MAML1: variants seen among roughly 807,000 people sequenced by gnomAD.
MAML1 encodes the protein mastermind like transcriptional coactivator 1.
MAML1 carries 14 observed loss-of-function variants against 77.1 expected under a neutral mutation model. The observed-to-expected ratio is 0.18, with a 90% confidence interval of 0.12 to 0.28. MAML1 has a LOEUF of 0.28. Among genes scored for constraint, MAML1 ranks in the 10% least tolerant of loss-of-function variants. The pLI is 1.00. For missense variants in MAML1, 1,217 were observed against 1,327.8 expected (o/e 0.92, Z 1.30); for synonymous variants, 516 against 551.9 (o/e 0.93, Z 0.91).
intron 1 of MAML1, among the ~76,000 whole-genome samples, chr5:179,760,961 G>A (rs1289500628): frequency 6.6e-6 from 1 of 152,088 alleles, no homozygotes; most frequent in Non-Finnish European, 1.5e-5. Context: ...CGGGCGTGGT[G>A]GCAGGCGCCT....
chr5:179,735,951 G>T (rs143156998), intron 1 of MAML1, among the ~76,000 whole-genome samples: 8 of 152,296 alleles, frequency 5.3e-5, no homozygotes, highest in East Asian at 3.9e-4. Flanking sequence ...CTCCCAAAGT[G>T]CTGGGATTAC....
chr5:179,761,064 A>C (rs1779717331), intron 1 of MAML1, among the ~76,000 whole-genome samples: 1 of 148,454 alleles, frequency 6.7e-6, no homozygotes, highest in African/African-American at 2.5e-5. Context: ...ACTGCACTCC[A>C]GCCTGGGTGA....
In MAML1 at chr5:179,733,316, C is replaced by T. The variant is rs916397219; in HGVS notation, c.204C>T (p.Ala68=). 3 of 1,391,564 alleles carry T rather than the reference C, an allele frequency of 2.2e-6. 1 individual carries two copies. The highest frequency in any genetic ancestry group is 5.2e-5 in the Admixed American group (2 of 38,656). 86.2% of individuals were successfully genotyped at this position (1,391,564 alleles called of 1,614,324 possible). A position where few individuals can be genotyped will look rare whatever the true frequency, so the allele number is the denominator to read the frequency against. ...ALHQRCIQAK[A]KRAGKHRQPP... is the part of the protein sequence containing the mutation. ...ACCAGCGCTGCATCCAGGCCAAGGCCAAGCGCGCCGGGAAGCACAGGCAGC... is the reference window on the plus strand; with the variant it reads ...ACCAGCGCTGCATCCAGGCCAAGGCTAAGCGCGCCGGGAAGCACAGGCAGC... Residue 68 remains alanine (A), a synonymous_variant, in exon 1 of 5, where the codon GCC becomes GCT. Transcript: ENST00000292599.
intron 1 of MAML1, among the ~76,000 whole-genome samples, chr5:179,757,432 G>C (rs1037452637): frequency 2.6e-5 from 4 of 152,072 alleles, no homozygotes; most frequent in African/African-American, 9.7e-5. Context: ...GCCAGGCATG[G>C]TGGCGGGTGC....
At chr5:179,760,372 G>C (rs1473372449) in intron 1 of MAML1, among the ~76,000 whole-genome samples, 3 of 152,042 alleles carry the variant, frequency 2.0e-5, no homozygotes, top group African/African-American at 7.2e-5. Context: ...TAGAAGCTGA[G>C]TCATCCCCAG....
At chr5:179,757,623 A>G (rs73342167) in intron 1 of MAML1, among the ~76,000 whole-genome samples, 1,554 of 152,286 alleles carry the variant, frequency 0.01, 38 homozygotes, top group African/African-American at 0.035. Context: ...ACTCTAGATC[A>G]TCTAACCCAG....
chr5:179,733,190 C>T lies in MAML1; in HGVS notation c.78C>T (p.Arg26=), dbSNP rs1371376240. ...CGGTCATGGAGCGCCTTCGCCGGCG[C>T]ATCGAGCTGTGCCGGCGCCACCACA... ...HSAVMERLRR[R]IELCRRHHST... The change falls in exon 1 of 5, where the codon CGC becomes CGT. Residue 26 remains arginine (R), a synonymous_variant. Coordinates refer to ENST00000292599, the MANE Select transcript of MAML1 (RefSeq NM_014757.5). 6.8e-7 allele frequency: 1 copy of T among 1,474,710 alleles called. No homozygotes were observed. Among genetic ancestry groups the T allele is most frequent in the Non-Finnish European group, 9.0e-7 (1 of 1,116,274 alleles). The allele number at this position is 1,474,710 out of a possible 1,614,324, so 91.4% of individuals were successfully genotyped here.
chr5:179,774,309 TG>T lies in MAML1; in HGVS notation c.2484del (p.Ser829HisfsTer29). On this transcript the variant is annotated frameshift_variant, in exon 5 of 5. Transcript: ENST00000292599. LOFTEE classifies it high-confidence loss of function. ...TTAACAAAGCCACCGGTCCCAAGGG[TG>T]TCACCAGCCATGGGAGGCCAGAATT... ...PGLTKPPVPR[V>X]SPAMGGQNSS... The T allele has an allele frequency of 6.2e-7, 1 of 1,613,344 alleles. No homozygotes were observed. The highest frequency in any genetic ancestry group is 8.5e-7 in the Non-Finnish European group (1 of 1,180,008).
rs1037628273 is a variant in MAML1, at chr5:179,766,323, G to A, written c.1313G>A (p.Ser438Asn). 6.2e-7 allele frequency: 1 copy of A among 1,610,030 alleles called. No homozygotes were observed. The highest frequency in any genetic ancestry group is 8.5e-7 in the Non-Finnish European group (1 of 1,177,960). ...STWQQTGPSH[S>N]SLDVPYPMEK... ...TGGCAGCAGACGGGGCCCTCCCACAGTTCCTTAGATGTCCCTTACCCCATG... is the reference window on the plus strand; with the variant it reads ...TGGCAGCAGACGGGGCCCTCCCACAATTCCTTAGATGTCCCTTACCCCATG... The change falls in exon 2 of 5, where the codon AGT (serine) becomes AAT (asparagine). Residue 438 changes from serine to asparagine, a missense_variant. By Grantham distance (46) the Ser-to-Asn change is conservative (BLOSUM62 1). Around this residue, in one of 3 missense-constraint regions of MAML1, gnomAD observed 884 missense variants for 949.3 expected, o/e 0.93. Transcript: ENST00000292599. The surrounding 1 kb of genome is among the most constrained non-coding windows in gnomAD (Gnocchi z 4.0).
At chr5:179,735,819 C>A (rs1309689616) in intron 1 of MAML1, among the ~76,000 whole-genome samples, 1 of 152,028 alleles carries the variant, frequency 6.6e-6, no homozygotes, top group Admixed American at 6.6e-5. Flanking sequence ...TCCTGAGTAG[C>A]TGGGATTACA....
chr5:179,750,194 T>C (rs145918963), intron 1 of MAML1, among the ~76,000 whole-genome samples: 1 of 152,330 alleles, frequency 6.6e-6, no homozygotes, highest in East Asian at 1.9e-4. Context: ...GTAAATAAAA[T>C]TACCAAATGA....
At chr5:179,752,234 G>A (rs2113353480) in intron 1 of MAML1, among the ~76,000 whole-genome samples, 1 of 149,088 alleles carries the variant, frequency 6.7e-6, no homozygotes. Flanking sequence ...GCTGAGGCAG[G>A]AGAATCGCTT....
intron 4 of MAML1, among the ~76,000 whole-genome samples, chr5:179,773,042 G>A (rs1361128646): frequency 7.9e-5 from 12 of 152,146 alleles, no homozygotes; most frequent in African/African-American, 1.4e-4. Context: ...GCGCCGCCAC[G>A]CCTGGCTAAT....
intron 1 of MAML1, among the ~76,000 whole-genome samples, chr5:179,738,214 T>TTC (rs924360608): frequency 2.6e-4 from 39 of 152,088 alleles, no homozygotes; most frequent in Admixed American, 2.0e-3. Flanking sequence ...CTCTGCCTCT[T>TTC]TCTCTCTCTC....
chr5:179,746,993 G>T (rs532633360), intron 1 of MAML1, among the ~76,000 whole-genome samples: 2 of 152,188 alleles, frequency 1.3e-5, no homozygotes, highest in Admixed American at 1.3e-4. Context: ...AGAGTCTCAG[G>T]CTGGGTTTAT....
rs1411200688 is a variant in MAML1 at position 179,768,457 on chromosome 5, G to GA, written c.1732-385dup. Among the ~76,000 whole-genome samples the GA allele has an allele frequency of 6.6e-5, 10 of 151,764 alleles. No homozygotes were observed. The East Asian group carries it at 9.7e-4, about 15-fold the overall frequency. ...GGGCAACAAGAGCGAAACTCCGTCT[G>GA]AAAAAAAACAAAAAGTATTCTTCCC... On this transcript the variant is annotated intron_variant, in intron 2 of 4. Coordinates refer to ENST00000292599, the MANE Select transcript of MAML1 (RefSeq NM_014757.5).
chr5:179,770,321 G>C (rs968265311), intron 3 of MAML1, among the ~76,000 whole-genome samples: 27 of 152,196 alleles, frequency 1.8e-4, no homozygotes, highest in African/African-American at 6.3e-4. Context: ...GGTGACGGGC[G>C]CCTGTAGTCC....
intron 1 of MAML1, among the ~76,000 whole-genome samples, chr5:179,753,596 G>C (rs1371334197): frequency 1.3e-5 from 2 of 151,530 alleles, no homozygotes; most frequent in Non-Finnish European, 2.9e-5. Context: ...GACAGTAGTG[G>C]ATGAGATGAA....
At chr5:179,764,828 G>A (rs1779783701) in intron 1 of MAML1, among the ~76,000 whole-genome samples, 1 of 152,122 alleles carries the variant, frequency 6.6e-6, no homozygotes, top group Non-Finnish European at 1.5e-5. Flanking sequence ...GCCAGGCACA[G>A]TGGTGCACAT....
Sources: gnomAD v4.1 joint callset for allele counts (sites outside exome capture counted in the v4.1 genomes callset) on GRCh38, gnomAD v4.1.1 for gene constraint, gnomAD v4.1.1 regional missense constraint, Gnocchi (gnomAD v3.1) non-coding constraint, MANE v1.5 for transcripts, NCBI Gene and HGNC (gene_info 2026-07-23, HGNC 2026-07-21) for gene names.